The following ARID4B variants were observed in gnomAD, a reference collection of about 807,000 sequenced individuals.
ARID4B encodes the protein AT-rich interactive domain-containing protein 4B.
A neutral mutation model predicts 147.5 loss-of-function variants in ARID4B; 26 were observed. The ratio of observed to expected loss-of-function variants is 0.18; its 90% CI spans 0.13 to 0.24. The LOEUF is 0.24. Among genes scored for constraint, ARID4B ranks in the 10% least tolerant of loss-of-function variants. The pLI is 1.00. For missense variants in ARID4B, 1,179 were observed against 1,511.5 expected (o/e 0.78, Z 3.65); for synonymous variants, 512 against 507.9 (o/e 1.01, Z -0.11).
chr1:235,215,854 G>A (rs1667037385), intron 16 of ARID4B, among the ~76,000 whole-genome samples: 1 of 151,668 alleles, frequency 6.6e-6, no homozygotes, highest in Non-Finnish European at 1.5e-5. Context: ...CTTCCAAAGT[G>A]CTGGGATTAT....
intron 4 of ARID4B, 142 bp downstream of exon 4, chr1:235,257,018 T>C: frequency 1.5e-6 from 1 of 647,834 alleles, no homozygotes; most frequent in Non-Finnish European, 2.7e-6. Flanking sequence ...TGAGATTAAG[T>C]CTATTTTTTC....
At chr1:235,191,288 A>C (rs886671492) in intron 19 of ARID4B, among the ~76,000 whole-genome samples, 5 of 149,890 alleles carry the variant, frequency 3.3e-5, no homozygotes, top group Non-Finnish European at 5.9e-5. Context: ...CGCTGTTGCT[A>C]CCCAGGCTAG....
At chr1:235,309,245 C>CG (rs1473942264) in intron 2 of ARID4B, among the ~76,000 whole-genome samples, 2 of 128,036 alleles carry the variant, frequency 1.6e-5, no homozygotes, top group East Asian at 4.2e-4. Context: ...CTGGCAACCG[C>CG]CCCATCTGAG....
At chr1:235,258,451 T>G (rs1670114631) in intron 3 of ARID4B, among the ~76,000 whole-genome samples, 1 of 152,230 alleles carries the variant, frequency 6.6e-6, no homozygotes, top group South Asian at 2.1e-4. Flanking sequence ...AACTTTACTG[T>G]GCTCTATATC....
chr1:235,221,886 A>ATTTTTTTTTTTTTTT (rs768600040), intron 13 of ARID4B, among the ~76,000 whole-genome samples: 5 of 53,660 alleles, frequency 9.3e-5, no homozygotes, highest in Non-Finnish European at 1.3e-4. Context: ...TCATTTGACT[A>ATTTTTTTTTTTTTTT]TTTTTTTTTT....
intron 17 of ARID4B, among the ~76,000 whole-genome samples, chr1:235,200,493 C>A (rs1665836335): frequency 1.3e-5 from 2 of 151,998 alleles, no homozygotes; most frequent in South Asian, 4.1e-4. Context: ...AAAAACTCTA[C>A]ATGAAAACCC....
At chr1:235,184,680 A>C (rs1387529835) in intron 19 of ARID4B, among the ~76,000 whole-genome samples, 1 of 152,226 alleles carries the variant, frequency 6.6e-6, no homozygotes, top group African/African-American at 2.4e-5. Flanking sequence ...AAAACAATAC[A>C]TATACATCAT....
intron 2 of ARID4B, among the ~76,000 whole-genome samples, chr1:235,280,577 G>A (rs568012606): frequency 9.8e-5 from 15 of 152,380 alleles, no homozygotes; most frequent in African/African-American, 3.4e-4. Flanking sequence ...AACCCAAGAT[G>A]GCAGCTTCAG....
Position 235,186,606 on chromosome 1 carries a change from T to C in ARID4B, c.2126-3813A>G, listed in dbSNP as rs187675293. On this transcript the variant is annotated intron_variant, in intron 19 of 23. Transcript: ENST00000264183. ...TTAGCAGAGATGGGGTTTCACCCTA[T>C]TGGTCAGGCTGGTCTCAAACTCCTG... 2.6e-3 allele frequency among the ~76,000 whole-genome samples: 399 copies of C among 152,276 alleles called. 2 individuals are homozygous for C. The highest frequency in any genetic ancestry group is 0.024 in the Middle Eastern group (7 of 294).
At chr1:235,313,804 G>A (rs1041453915) in intron 2 of ARID4B, among the ~76,000 whole-genome samples, 1 of 152,118 alleles carries the variant, frequency 6.6e-6, no homozygotes, top group Non-Finnish European at 1.5e-5. Flanking sequence ...TTAGACATGA[G>A]AGCAAAGAGT....
intron 2 of ARID4B, among the ~76,000 whole-genome samples, chr1:235,307,580 G>C (rs1673669564): frequency 6.6e-6 from 1 of 152,202 alleles, no homozygotes; most frequent in Admixed American, 6.5e-5. Context: ...GAGAAAAAGA[G>C]AGACAAACCA....
intron 19 of ARID4B, among the ~76,000 whole-genome samples, chr1:235,186,257 G>T (rs997848633): frequency 2.0e-5 from 3 of 152,128 alleles, no homozygotes; most frequent in Middle Eastern, 3.4e-3. Context: ...GTGAGCCACC[G>T]CGCCTGGCCT....
At chr1:235,294,429 G>C (rs1186774218) in intron 2 of ARID4B, among the ~76,000 whole-genome samples, 3 of 115,604 alleles carry the variant, frequency 2.6e-5, no homozygotes, top group African/African-American at 9.9e-5. Flanking sequence ...TCTCCCGCTT[G>C]AACCCAGGGG....
intron 18 of ARID4B, among the ~76,000 whole-genome samples, chr1:235,195,072 A>T (rs1665400624): frequency 6.6e-6 from 1 of 152,204 alleles, no homozygotes; most frequent in Non-Finnish European, 1.5e-5. Flanking sequence ...TTATAGGAAA[A>T]ATAAGCTCTC....
intron 2 of ARID4B, among the ~76,000 whole-genome samples, chr1:235,282,795 A>AT (rs1558275954): frequency 6.6e-6 from 1 of 151,928 alleles, no homozygotes; most frequent in Non-Finnish European, 1.5e-5. Flanking sequence ...TTATTTATTT[A>AT]TTTTTTTGAG....
intron 2 of ARID4B, among the ~76,000 whole-genome samples, chr1:235,293,799 T>C (rs1182915519): frequency 6.6e-6 from 1 of 151,870 alleles, no homozygotes; most frequent in Non-Finnish European, 1.5e-5. Flanking sequence ...CCATGGTAAC[T>C]AGGCATTAAG....
rs1665316583 is a variant in ARID4B at position 235,194,106 on chromosome 1, T to C, written c.2032A>G (p.Met678Val). 1 of 1,613,110 alleles carries C rather than the reference T, an allele frequency of 6.2e-7. No homozygotes were observed. Among genetic ancestry groups the C allele is most frequent in the Non-Finnish European group, 8.5e-7 (1 of 1,179,086 alleles). ...TCAGTGAGATCCAGTTTGGATACCA[T>C]TTCAGGAGATGGATTTGTCTGAAAT... The part of the protein sequence containing the change: ...PPFQTNPSPE[M>V]VSKLDLTDAK... Residue 678 changes from methionine to valine, a missense_variant, in exon 19 of 24, where the codon ATG becomes GTG. Physicochemically the swap from Met to Val is conservative, Grantham distance 21. Transcript: ENST00000264183.
At chr1:235,247,554 T>G (rs1466781870) in intron 6 of ARID4B, among the ~76,000 whole-genome samples, 1 of 152,144 alleles carries the variant, frequency 6.6e-6, no homozygotes, top group East Asian at 1.9e-4. Context: ...CCATAAAGGA[T>G]TAACTAAAGA....
chr1:235,267,531 G>A (rs543101374), intron 2 of ARID4B, among the ~76,000 whole-genome samples: 1 of 152,028 alleles, frequency 6.6e-6, no homozygotes, highest in Non-Finnish European at 1.5e-5. Flanking sequence ...TGAATACATC[G>A]AGGAAATGAA....
Sources: gnomAD v4.1 joint callset for allele counts (sites outside exome capture counted in the v4.1 genomes callset) on GRCh38, gnomAD v4.1.1 for gene constraint, MANE v1.5 for transcripts, NCBI Gene and HGNC (gene_info 2026-07-23, HGNC 2026-07-21) for gene names.